RAB6A: variants seen among roughly 807,000 people sequenced by gnomAD.
RAB6A encodes the protein RAB6A, member RAS oncogene family, also known as ras-related protein Rab-6A.
Under a neutral mutation model 32.3 loss-of-function variants are expected in RAB6A, and 8 were observed. The observed-to-expected ratio is 0.25, with a 90% CI of 0.15 to 0.45. RAB6A has a LOEUF of 0.45. RAB6A is among the 20% of genes least tolerant of loss of function. RAB6A has a pLI of 1.00. For missense variants in RAB6A, 104 were observed against 249.4 expected (o/e 0.42, Z 3.93); for synonymous variants, 73 against 82.1 (o/e 0.89, Z 0.60).
chr11:73,757,666 G>C (rs1321878085), intron 1 of RAB6A, among the ~76,000 whole-genome samples: 1 of 152,120 alleles, frequency 6.6e-6, no homozygotes, highest in African/African-American at 2.4e-5. Flanking sequence ...TTTTTTGAAT[G>C]AAATGGTTGG....
intron 1 of RAB6A, among the ~76,000 whole-genome samples, chr11:73,749,953 G>A (rs1946649331): frequency 6.6e-6 from 1 of 152,132 alleles, no homozygotes; most frequent in South Asian, 2.1e-4. Flanking sequence ...TTGAGCTCAG[G>A]AGTTCAAGGC....
At chr11:73,731,717 TATATATATATATATACACACACAC>T (rs1946312116) in intron 1 of RAB6A, among the ~76,000 whole-genome samples, 2 of 15,112 alleles carry the variant, frequency 1.3e-4, no homozygotes, top group East Asian at 8.1e-3. Flanking sequence ...TATATATATA[TATATATATATATATACACACACAC>T]ACACATATTT....
intron 5 of RAB6A, among the ~76,000 whole-genome samples, chr11:73,714,209 A>AAAAAAAT (rs35864471): frequency 6.9e-5 from 4 of 57,578 alleles, no homozygotes; most frequent in African/African-American, 2.5e-4. Flanking sequence ...AAAAAAAAAA[A>AAAAAAAT]ATATATATAT....
intron 6 of RAB6A, among the ~76,000 whole-genome samples, chr11:73,686,069 G>A (rs1945450969): frequency 6.6e-6 from 1 of 151,954 alleles, no homozygotes. Context: ...GCTTTAAAAA[G>A]GAACTATAAA....
At chr11:73,692,227 G>A (rs995279583) in intron 6 of RAB6A, among the ~76,000 whole-genome samples, 3 of 151,656 alleles carry the variant, frequency 2.0e-5, no homozygotes, top group African/African-American at 4.8e-5. Context: ...AATCAAGGCC[G>A]GGCGCAGTGG....
intron 1 of RAB6A, among the ~76,000 whole-genome samples, chr11:73,735,098 A>G (rs1165732344): frequency 6.6e-6 from 1 of 152,244 alleles, no homozygotes; most frequent in African/African-American, 2.4e-5. Flanking sequence ...TAGAAATTCT[A>G]GCACAATTTC....
At chr11:73,709,876 CATACATAT>C (rs1461211004) in intron 5 of RAB6A, among the ~76,000 whole-genome samples, 3 of 145,314 alleles carry the variant, frequency 2.1e-5, no homozygotes, top group Admixed American at 7.0e-5. Context: ...TACACATATA[CATACATAT>C]ATACATATAT....
In RAB6A at chr11:73,735,908, C is replaced by G. The variant is rs115519925; in HGVS notation, c.71-5085G>C. On this transcript the variant is annotated intron_variant, in intron 1 of 7. Coordinates refer to ENST00000336083, the MANE Select transcript of RAB6A (RefSeq NM_198896.2). ...ATTTGAGGAGGCAGTTTCTGGAATC[C>G]CAACCTTGCCTTAAAAAAAAAAAAA... Among the ~76,000 whole-genome samples, 728 of 115,650 alleles carry G rather than the reference C, an allele frequency of 6.3e-3. 5 individuals carry two copies. The highest frequency in any genetic ancestry group is 0.022 in the African/African-American group (665 of 30,554). 75.9% of individuals were successfully genotyped at this position (115,650 alleles called of 152,430 possible). A position where few individuals can be genotyped will look rare whatever the true frequency, so the allele number is the denominator to read the frequency against.
At chr11:73,690,990 A>C (rs1047023464) in intron 6 of RAB6A, among the ~76,000 whole-genome samples, 17 of 150,702 alleles carry the variant, frequency 1.1e-4, no homozygotes, top group African/African-American at 3.9e-4. Flanking sequence ...CTCACACAGA[A>C]AATTAACTCT....
chr11:73,730,924 C>A, intron 1 of RAB6A, 101 bp from the exon 2 acceptor site: 1 of 781,514 alleles, frequency 1.3e-6, no homozygotes, highest in South Asian at 1.6e-5. Context: ...ATGGGAAATA[C>A]CTGCAATGGT....
intron 7 of RAB6A, among the ~76,000 whole-genome samples, chr11:73,678,678 G>A (rs1590815826): frequency 6.6e-6 from 1 of 151,060 alleles, no homozygotes. Flanking sequence ...TTTTGTTGTT[G>A]TTGTTGTTTT....
Position 73,745,882 on chromosome 11 carries a change from C to A in RAB6A, c.70+14684G>T, listed in dbSNP as rs1016027068. 1.0e-3 allele frequency among the ~76,000 whole-genome samples: 155 copies of A among 151,994 alleles called. 1 individual carries two copies. Among genetic ancestry groups the A allele is most frequent in the Non-Finnish European group, 4.0e-4 (27 of 67,958 alleles). On this transcript the variant is annotated intron_variant, in intron 1 of 7. Transcript: ENST00000336083. Reference sequence around the variant, plus strand: ...CATGGTGGTGGCACGCATCTGTAGTCCCAGCTACTCAGCAGGCTGAGGCAC... The same window carrying A: ...CATGGTGGTGGCACGCATCTGTAGTACCAGCTACTCAGCAGGCTGAGGCAC...
intron 6 of RAB6A, among the ~76,000 whole-genome samples, chr11:73,690,596 T>C (rs1164651294): frequency 6.7e-6 from 1 of 150,190 alleles, no homozygotes; most frequent in African/African-American, 2.4e-5. Flanking sequence ...TATTAGGAAT[T>C]TAAAACTGAA....
chr11:73,718,901 G>C (rs780031702), intron 3 of RAB6A, 183 bp from the exon 4 acceptor site: 1 of 1,537,216 alleles, frequency 6.5e-7, no homozygotes, highest in Non-Finnish European at 8.8e-7. Flanking sequence ...CTGTGAGATG[G>C]GAAAAAATAA....
chr11:73,749,291 T>C (rs987790646), intron 1 of RAB6A, among the ~76,000 whole-genome samples: 6 of 152,128 alleles, frequency 3.9e-5, no homozygotes, highest in African/African-American at 1.2e-4. Context: ...TTCTCATTTA[T>C]ATAAGCGGGA....
At chr11:73,760,123 G>A (rs1464928485) in intron 1 of RAB6A, 1 of 1,292,716 alleles carries the variant, frequency 7.7e-7, no homozygotes, top group East Asian at 5.5e-5. Flanking sequence ...CCTTGGCCAA[G>A]GTTGAAGAGG....
At chr11:73,760,227 G>A in intron 1 of RAB6A, 1 of 789,810 alleles carries the variant, frequency 1.3e-6, no homozygotes, top group South Asian at 1.5e-5. Flanking sequence ...TCAAGAAAGG[G>A]GGCCGGGGTA....
At chr11:73,706,125 T>C (rs1182526894) in intron 6 of RAB6A, among the ~76,000 whole-genome samples, 1 of 152,064 alleles carries the variant, frequency 6.6e-6, no homozygotes, top group Admixed American at 6.6e-5. Flanking sequence ...GGAAATAAAT[T>C]AAAAAATATA....
chr11:73,750,348 CTTT>C (rs987571298), intron 1 of RAB6A, among the ~76,000 whole-genome samples: 1 of 144,370 alleles, frequency 6.9e-6, no homozygotes. Flanking sequence ...ATTTCCTTCC[CTTT>C]TTTTTTTTTT....
Sources: gnomAD v4.1 joint callset for allele counts (sites outside exome capture counted in the v4.1 genomes callset) on GRCh38, gnomAD v4.1.1 for gene constraint, MANE v1.5 for transcripts, NCBI Gene and HGNC (gene_info 2026-07-23, HGNC 2026-07-21) for gene names.